TMEM178B: variants seen among roughly 807,000 people sequenced by gnomAD.
The protein encoded by TMEM178B is transmembrane protein 178B.
A neutral mutation model predicts 31.0 loss-of-function variants in TMEM178B; 5 were observed. That is an observed-to-expected ratio of 0.16 (90% CI 0.08 to 0.34). TMEM178B has a LOEUF of 0.34. TMEM178B is among the 10% of genes least tolerant of loss of function. The pLI, the probability that TMEM178B is intolerant of heterozygous loss-of-function variation, is 1.00. For synonymous variants in TMEM178B, 164 were observed against 164.0 expected, an observed-to-expected ratio of 1.00 and a Z score of 0.00; for missense variants, 275 against 400.3, an observed-to-expected ratio of 0.69 and a Z score of 2.67.
rs73169543 is a variant in TMEM178B, at chr7:141,382,056, C to T, written c.497-55552C>T. On this transcript the variant is annotated intron_variant, in intron 2 of 3. Transcript: ENST00000565468. Reference sequence around the variant, plus strand: ...GGCTGGATTCTCCTCTCCCATTCAACGAAGTATGATCCCTCATTGGCCCAT... The same window carrying T: ...GGCTGGATTCTCCTCTCCCATTCAATGAAGTATGATCCCTCATTGGCCCAT... Among the ~76,000 whole-genome samples the T allele has an allele frequency of 6.8e-3, 1,038 of 152,308 alleles. 3 individuals carry two copies. Among genetic ancestry groups the T allele is most frequent in the Non-Finnish European group, 8.3e-3 (568 of 68,038 alleles).
chr7:141,403,695 C>A (rs1158534202), intron 2 of TMEM178B, among the ~76,000 whole-genome samples: 1 of 152,224 alleles, frequency 6.6e-6, no homozygotes, highest in Non-Finnish European at 1.5e-5. Flanking sequence ...AGTCCCATGC[C>A]TGGTACATGG....
chr7:141,086,383 C>A (rs2129171651), intron 1 of TMEM178B, among the ~76,000 whole-genome samples: 1 of 152,254 alleles, frequency 6.6e-6, no homozygotes, highest in Middle Eastern at 3.4e-3. Context: ...GTAATCATTT[C>A]TATTGTATAA....
intron 1 of TMEM178B, among the ~76,000 whole-genome samples, chr7:141,142,624 G>T (rs1795791329): frequency 6.6e-6 from 1 of 152,000 alleles, no homozygotes; most frequent in African/African-American, 2.4e-5. Flanking sequence ...AGCCAGGATG[G>T]TCTCGATCTC....
intron 2 of TMEM178B, among the ~76,000 whole-genome samples, chr7:141,292,545 C>T (rs1798563116): frequency 6.6e-6 from 1 of 152,064 alleles, no homozygotes; most frequent in African/African-American, 2.4e-5. Context: ...CCCATGTTCT[C>T]GCATCACTAA....
In TMEM178B at chr7:141,468,550, G is replaced by C. The variant is rs141049640; in HGVS notation, c.635-1986G>C. ...TTAGGCAAATGACTTAAGCTCTCTG[G>C]GCGTCAATGTCCTTATCAGTAAAAT... On this transcript the variant is annotated intron_variant, in intron 3 of 3. Transcript: ENST00000565468. 1.2e-4 allele frequency among the ~76,000 whole-genome samples: 19 copies of C among 152,232 alleles called. No individual in the cohort carries two copies. The East Asian group carries it at 3.7e-3, about 29-fold the overall frequency.
At chr7:141,341,702 C>T (rs1283915086) in intron 2 of TMEM178B, among the ~76,000 whole-genome samples, 1 of 152,148 alleles carries the variant, frequency 6.6e-6, no homozygotes, top group East Asian at 1.9e-4. Flanking sequence ...TCATTTTAGT[C>T]ATTTACTTAG....
At chr7:141,271,865 G>T (rs1356226939) in intron 2 of TMEM178B, among the ~76,000 whole-genome samples, 4 of 152,194 alleles carry the variant, frequency 2.6e-5, no homozygotes, top group Non-Finnish European at 4.4e-5. Flanking sequence ...GAAAATGGCA[G>T]CTCAGAAAGG....
chr7:141,473,452 T>A lies in TMEM178B; in HGVS notation c.*2666T>A, dbSNP rs1802286211. ...AACCATTTAAACTTTTTGTAAGTAA[T>A]CATGTTTGAGGATGCTGGCTCACAG... On this transcript the variant is annotated 3_prime_UTR_variant, in exon 4 of 4. Coordinates refer to ENST00000565468, the MANE Select transcript of TMEM178B (RefSeq NM_001195278.2). 1 of 152,222 alleles carries A rather than the reference T, an allele frequency of 6.6e-6. No individual in the cohort carries two copies. The allele number at this position is 152,222 out of a possible 1,614,324, so 9.4% of individuals were successfully genotyped here. A position where few individuals can be genotyped will look rare whatever the true frequency, so the allele number is the denominator to read the frequency against.
chr7:141,384,415 C>T (rs1441593810), intron 2 of TMEM178B, among the ~76,000 whole-genome samples: 1 of 152,170 alleles, frequency 6.6e-6, no homozygotes, highest in Non-Finnish European at 1.5e-5. Flanking sequence ...AGGAAGGGAT[C>T]CAGTTTCAGC....
At chr7:141,482,488 A>T (rs1802495205), downstream of TMEM178B, among the ~76,000 whole-genome samples, 1 of 152,202 alleles carries the variant, frequency 6.6e-6, no homozygotes, top group South Asian at 2.1e-4. Context: ...AACAACTAGC[A>T]GCACCTGGTG....
At chr7:141,096,400 A>G (rs912178694) in intron 1 of TMEM178B, among the ~76,000 whole-genome samples, 7 of 152,142 alleles carry the variant, frequency 4.6e-5, no homozygotes, top group Non-Finnish European at 7.4e-5. Flanking sequence ...ATTTTCTTCT[A>G]TCTTCTCTCT....
At chr7:141,401,906 C>T (rs754624694) in intron 2 of TMEM178B, among the ~76,000 whole-genome samples, 13 of 152,124 alleles carry the variant, frequency 8.5e-5, no homozygotes, top group South Asian at 4.1e-4. Context: ...CAGATAACTC[C>T]GGGTAAACAC....
intron 3 of TMEM178B, among the ~76,000 whole-genome samples, chr7:141,464,866 T>G (rs1802123080): frequency 6.6e-6 from 1 of 152,134 alleles, no homozygotes; most frequent in Non-Finnish European, 1.5e-5. Context: ...TGGCACTGCT[T>G]ACAGCCAGTG....
chr7:141,420,680 G>T (rs962811173), intron 2 of TMEM178B, among the ~76,000 whole-genome samples: 3 of 152,144 alleles, frequency 2.0e-5, no homozygotes, highest in Non-Finnish European at 4.4e-5. Flanking sequence ...AGGGGAGAAG[G>T]CTCTGTTACC....
At chr7:141,215,777 C>CCTTTCT (rs1797123087) in intron 2 of TMEM178B, among the ~76,000 whole-genome samples, 1 of 112,042 alleles carries the variant, frequency 8.9e-6, no homozygotes, top group Non-Finnish European at 1.8e-5. Flanking sequence ...TATATACTTT[C>CCTTTCT]CTTTCTTTCT....
At chr7:141,127,785 C>A (rs1795524913) in intron 1 of TMEM178B, among the ~76,000 whole-genome samples, 1 of 152,150 alleles carries the variant, frequency 6.6e-6, no homozygotes, top group Non-Finnish European at 1.5e-5. Context: ...TTGTGGTCAG[C>A]CCTTTTAGCT....
At chr7:141,283,582 G>C (rs1445344920) in intron 2 of TMEM178B, among the ~76,000 whole-genome samples, 1 of 152,034 alleles carries the variant, frequency 6.6e-6, no homozygotes, top group Admixed American at 6.6e-5. Flanking sequence ...CTTTTCACGT[G>C]TCTTATTGCA....
In TMEM178B at chr7:141,074,662, G is replaced by A; in HGVS notation, c.352G>A (p.Asp118Asn). The change falls in exon 1 of 4, where the codon GAC (aspartate) becomes AAC (asparagine). Residue 118 changes from aspartate to asparagine, a missense_variant. Coordinates refer to ENST00000565468, the MANE Select transcript of TMEM178B (RefSeq NM_001195278.2). This position sits in a 1 kb window ranked among gnomAD's most constrained non-coding sequence, Gnocchi z 5.1. ...LWRKCHRQGFDPEIAALIRKG... is the reference protein window; with the variant it reads ...LWRKCHRQGFNPEIAALIRKG... ...GAGGAAGTGCCACCGGCAGGGCTTC[G>A]ACCCCGAGATCGCCGCCCTCATTCG... 1 of 1,519,326 alleles carries A rather than the reference G, an allele frequency of 6.6e-7. No individual in the cohort carries two copies. The highest frequency in any genetic ancestry group is 8.8e-7 in the Non-Finnish European group (1 of 1,135,214). 94.1% of individuals were successfully genotyped at this position (1,519,326 alleles called of 1,614,324 possible). A position where few individuals can be genotyped will look rare whatever the true frequency, so the allele number is the denominator to read the frequency against.
chr7:141,138,535 T>G (rs1417324926), intron 1 of TMEM178B, among the ~76,000 whole-genome samples: 1 of 151,584 alleles, frequency 6.6e-6, no homozygotes, highest in Non-Finnish European at 1.5e-5. Flanking sequence ...TGGAGGTGTG[T>G]GTGGGTATGG....
Sources: allele counts gnomAD v4.1 joint callset (sites outside exome capture counted in the v4.1 genomes callset), GRCh38; gene constraint gnomAD v4.1.1; non-coding constraint Gnocchi (gnomAD v3.1); transcripts MANE v1.5; gene names NCBI Gene and HGNC (gene_info 2026-07-23, HGNC 2026-07-21).